Variants in DAPK2 observed in about 807,000 individuals in gnomAD.
DAPK2 encodes death associated protein kinase 2, also known as death-associated protein kinase 2.
Under a neutral mutation model 44.1 loss-of-function variants are expected in DAPK2, and 35 were observed. The ratio of observed to expected loss-of-function variants is 0.79; its 90% CI spans 0.61 to 1.05. DAPK2 has a LOEUF of 1.05. DAPK2 is among the 50% of genes least tolerant of loss of function. The probability of loss-of-function intolerance (pLI) is 0.00; values close to 1 mark genes in which losing one functional copy is unlikely to be tolerated. For missense variants in DAPK2, 453 were observed against 483.2 expected, an observed-to-expected ratio of 0.94 and a Z score of 0.59; for synonymous variants, 174 against 182.6, an observed-to-expected ratio of 0.95 and a Z score of 0.38.
intron 3 of DAPK2, among the ~76,000 whole-genome samples, chr15:63,946,225 G>A (rs1320233646): frequency 6.6e-6 from 1 of 152,272 alleles, no homozygotes; most frequent in Non-Finnish European, 1.5e-5. Context: ...GATCTGGCCA[G>A]AGGTGCCTGC....
chr15:63,920,144 G>C (rs1303907411), intron 8 of DAPK2: 1 of 152,222 alleles, frequency 6.6e-6, no homozygotes, highest in East Asian at 1.9e-4. Context: ...CAGAAGGCAG[G>C]TGCTCCGGGA....
At position 63,980,234 on chromosome 15, in the gene DAPK2, T is replaced by C. The variant is rs1034013239; in HGVS notation, c.314+3299A>G. ...AAGCCGGCACATAACTGGCTGACCA[T>C]GAGCCCTGTTGGGAAAAACACAGAC... On this transcript the variant is annotated intron_variant, in intron 2 of 10. Transcript: ENST00000261891. This position sits in a 1 kb window ranked among gnomAD's most constrained non-coding sequence, Gnocchi z 4.3. Among the ~76,000 whole-genome samples the C allele has an allele frequency of 4.6e-5, 7 of 152,174 alleles. No homozygotes were observed. Among genetic ancestry groups the C allele is most frequent in the Admixed American group, 1.3e-4 (2 of 15,278 alleles).
intron 8 of DAPK2, chr15:63,919,485 T>A (rs2079014876): frequency 6.6e-6 from 1 of 152,056 alleles, no homozygotes; most frequent in Non-Finnish European, 1.5e-5. Flanking sequence ...ATTCTATTTT[T>A]TATTTTTTTG....
intron 3 of DAPK2, among the ~76,000 whole-genome samples, chr15:63,962,452 C>T (rs1414703430): frequency 6.6e-6 from 1 of 152,210 alleles, no homozygotes; most frequent in Non-Finnish European, 1.5e-5. Flanking sequence ...TTCAGCTTTT[C>T]TGCTCTGATT....
intron 3 of DAPK2, among the ~76,000 whole-genome samples, chr15:63,950,356 C>T (rs2077554588): frequency 6.6e-6 from 1 of 152,026 alleles, no homozygotes; most frequent in East Asian, 1.9e-4. Flanking sequence ...GCTGGGCCTA[C>T]AGGCATGTAC....
intron 2 of DAPK2, among the ~76,000 whole-genome samples, chr15:63,978,445 G>A (rs1158545587): frequency 1.3e-5 from 2 of 152,186 alleles, no homozygotes; most frequent in African/African-American, 4.8e-5. Context: ...AGGACTTTGG[G>A]GTGCAGTAAT....
At chr15:63,943,557 T>C (rs774025470) in intron 3 of DAPK2, among the ~76,000 whole-genome samples, 2 of 152,106 alleles carry the variant, frequency 1.3e-5, no homozygotes, top group Admixed American at 6.6e-5. Flanking sequence ...TCCCCTTCCT[T>C]GCTTCTCAGG....
chr15:63,977,751 T>C (rs749943672), intron 2 of DAPK2, among the ~76,000 whole-genome samples: 58 of 152,190 alleles, frequency 3.8e-4, no homozygotes, highest in Non-Finnish European at 7.5e-4. Flanking sequence ...GGCATCCTCA[T>C]TCTCAGATGA....
chr15:63,953,944 T>G (rs1022263337), intron 3 of DAPK2, among the ~76,000 whole-genome samples: 1 of 152,196 alleles, frequency 6.6e-6, no homozygotes, highest in African/African-American at 2.4e-5. Context: ...ATTCAGATCT[T>G]TTGCCCATTT....
intron 3 of DAPK2, among the ~76,000 whole-genome samples, chr15:63,945,835 C>T (rs2077435522): frequency 6.6e-6 from 1 of 152,304 alleles, no homozygotes; most frequent in African/African-American, 2.4e-5. Flanking sequence ...ATTCCTACTG[C>T]TTTGGGCTCT....
At chr15:63,968,059 T>A (rs1212237714) in intron 3 of DAPK2, among the ~76,000 whole-genome samples, 1 of 152,082 alleles carries the variant, frequency 6.6e-6, no homozygotes, top group Non-Finnish European at 1.5e-5. Flanking sequence ...AAGAAAAATG[T>A]GGATTTTATA....
chr15:64,043,877 A>G (rs2080401106), upstream of DAPK2, among the ~76,000 whole-genome samples: 1 of 152,210 alleles, frequency 6.6e-6, no homozygotes, highest in African/African-American at 2.4e-5. Context: ...GTAGGCTAGT[A>G]CACAGTAGGC....
chr15:64,036,307 G>GTATATATATGTATA (rs1233918566), intron 1 of DAPK2, among the ~76,000 whole-genome samples: 2 of 53,160 alleles, frequency 3.8e-5, no homozygotes, highest in South Asian at 5.6e-4. Flanking sequence ...GTGTGTGTGT[G>GTATATATATGTATA]TGTATATATA....
chr15:63,924,760 C>A, intron 8 of DAPK2, 56 bp downstream of exon 9: 3 of 1,602,698 alleles, frequency 1.9e-6, no homozygotes, highest in Non-Finnish European at 1.7e-6. Context: ...CCCAGGCCAA[C>A]CCTGGCGACA....
chr15:63,979,111 C>T (rs866842239), intron 2 of DAPK2, among the ~76,000 whole-genome samples: 26 of 152,278 alleles, frequency 1.7e-4, no homozygotes, highest in Middle Eastern at 3.4e-3. Flanking sequence ...CAAGGAGGCC[C>T]CAGAGCAGTC....
chr15:63,925,946 C>T, exon 7 of DAPK2: 1 of 1,614,154 alleles, frequency 6.2e-7, no homozygotes, highest in South Asian at 1.1e-5. Flanking sequence ...CTTACCGGGT[C>T]TCTTTAACCA....
At position 63,943,710 on chromosome 15, in the gene DAPK2, T is replaced by TAA. The variant is rs5813268; in HGVS notation, c.454-4351_454-4350dup. 3.6e-3 allele frequency among the ~76,000 whole-genome samples: 539 copies of TAA among 151,044 alleles called. 2 individuals are homozygous for TAA. The highest frequency in any genetic ancestry group is 6.2e-3 in the Non-Finnish European group (417 of 67,722). On this transcript the variant is annotated intron_variant, in intron 3 of 10. Transcript: ENST00000261891. ...CAACATGGTGAAACCCCGACTCTAC[T>TAA]AAAAAAAATACAAAAATTAGCTGGG...
intron 2 of DAPK2, among the ~76,000 whole-genome samples, chr15:63,975,123 G>A (rs1211060217): frequency 6.6e-6 from 1 of 152,170 alleles, no homozygotes; most frequent in Non-Finnish European, 1.5e-5. Context: ...TCTGACAGAA[G>A]CTGGGGTATC....
chr15:63,949,018 T>C (rs2077521929), intron 3 of DAPK2, among the ~76,000 whole-genome samples: 1 of 152,178 alleles, frequency 6.6e-6, no homozygotes, highest in Non-Finnish European at 1.5e-5. Context: ...TCCCCTCCTC[T>C]AGCTGATGCC....
Sources: allele counts gnomAD v4.1 joint callset (sites outside exome capture counted in the v4.1 genomes callset), GRCh38; gene constraint gnomAD v4.1.1; non-coding constraint Gnocchi (gnomAD v3.1); transcripts MANE v1.5; gene names NCBI Gene and HGNC (gene_info 2026-07-23, HGNC 2026-07-21).